Variants in DNM3 observed in about 807,000 individuals in gnomAD.
DNM3 encodes dynamin 3, also known as dynamin-3.
A neutral mutation model predicts 101.6 loss-of-function variants in DNM3; 47 were observed. The ratio of observed to expected loss-of-function variants is 0.46; its 90% CI spans 0.37 to 0.59. The LOEUF (loss-of-function observed/expected upper bound fraction) is 0.59, where lower values mean the gene tolerates loss of function less well. Among genes scored for constraint, DNM3 ranks in the 20% least tolerant of loss-of-function variants. The probability of loss-of-function intolerance (pLI) is 0.00; values close to 1 mark genes in which losing one functional copy is unlikely to be tolerated. For synonymous variants in DNM3, 385 were observed against 387.9 expected (o/e 0.99, Z 0.09); for missense variants, 849 against 1,085.7 (o/e 0.78, Z 3.06).
At chr1:171,913,553 CGG>C (rs2039472200) in intron 1 of DNM3, among the ~76,000 whole-genome samples, 1 of 152,080 alleles carries the variant, frequency 6.6e-6, no homozygotes, top group African/African-American at 2.4e-5. Context: ...GCAAAGTTCC[CGG>C]ATTTGGGCAT....
intron 16 of DNM3, among the ~76,000 whole-genome samples, chr1:172,316,463 G>C (rs2065361478): frequency 6.6e-6 from 1 of 151,960 alleles, no homozygotes. Flanking sequence ...AAAGAATCAA[G>C]ACCCATCAGT....
rs1572174629 is a variant in DNM3 at position 172,032,262 on chromosome 1, C to G, written c.590-140C>G. The G allele has an allele frequency of 3.1e-5, 20 of 650,342 alleles. No individual in the cohort carries two copies. In the East Asian group the frequency reaches 5.6e-4, roughly 18 times the overall value. The allele number at this position is 650,342 out of a possible 1,614,324, so 40.3% of individuals were successfully genotyped here. On this transcript the variant is annotated intron_variant, in intron 4 of 20. Transcript: ENST00000627582. ...CACTGAAATCACCAAACTCAAGTAG[C>G]ACTTAGAAAACAAAGTAAGACAGAA... is the stretch of plus-strand genomic sequence containing the variant.
In DNM3 at chr1:172,411,871, A is replaced by G; in HGVS notation, c.*4030A>G. 1.0e-6 allele frequency: 1 copy of G among 985,828 alleles called. No individual in the cohort carries two copies. The highest frequency in any genetic ancestry group is 1.2e-6 in the Non-Finnish European group (1 of 829,880). The allele number at this position is 985,828 out of a possible 1,614,324, so 61.1% of individuals were successfully genotyped here. A position where few individuals can be genotyped will look rare whatever the true frequency, so the allele number is the denominator to read the frequency against. ...TAAATGAATCTAGATGATTTTGAAG[A>G]AATGATTATTCGTTCACCAGATCAC... On this transcript the variant is annotated 3_prime_UTR_variant, in exon 21 of 21. Coordinates refer to ENST00000627582, the MANE Select transcript of DNM3 (RefSeq NM_015569.5).
chr1:171,931,828 T>C lies in DNM3; in HGVS notation c.235+10007T>C, dbSNP rs528237827. Among the ~76,000 whole-genome samples, 4 of 152,336 alleles carry C rather than the reference T, an allele frequency of 2.6e-5. No homozygotes were observed. The East Asian group carries it at 7.7e-4, about 29-fold the overall frequency. ...ACTTTTTTTAAATTTAGGGGTTCTA[T>C]TATAATTGTGTGGAAAAGTCTAGAA... On this transcript the variant is annotated intron_variant, in intron 2 of 20. Coordinates refer to ENST00000627582, the MANE Select transcript of DNM3 (RefSeq NM_015569.5).
chr1:172,301,658 T>G (rs998226647), intron 15 of DNM3, among the ~76,000 whole-genome samples: 2 of 152,216 alleles, frequency 1.3e-5, no homozygotes, highest in African/African-American at 4.8e-5. Flanking sequence ...GAAAATTATT[T>G]AATTATCTAA....
intron 4 of DNM3, among the ~76,000 whole-genome samples, chr1:172,014,454 A>G (rs1462571165): frequency 6.6e-6 from 1 of 151,980 alleles, no homozygotes; most frequent in Non-Finnish European, 1.5e-5. Flanking sequence ...ATCCTCACCA[A>G]ATTTGGTATT....
Position 172,157,844 on chromosome 1 carries a change from G to T in DNM3, c.1659+26556G>T, listed in dbSNP as rs145593896. 4.9e-3 allele frequency among the ~76,000 whole-genome samples: 752 copies of T among 152,026 alleles called. 6 individuals are homozygous for T. Among genetic ancestry groups the T allele is most frequent in the African/African-American group, 0.017 (712 of 41,498 alleles). On this transcript the variant is annotated intron_variant, in intron 14 of 20. Coordinates refer to ENST00000627582, the MANE Select transcript of DNM3 (RefSeq NM_015569.5). ...GTATCTTTGGATTTTGACATCCATG[G>T]TAGGTCCTGGAAACAATCCCTCACA...
chr1:172,303,129 CT>C (rs1246835876), intron 15 of DNM3, among the ~76,000 whole-genome samples: 1 of 152,038 alleles, frequency 6.6e-6, no homozygotes, highest in African/African-American at 2.4e-5. Context: ...AGCTAAAAAC[CT>C]TGAAACAAGG....
At chr1:171,946,705 A>G (rs2042193652) in intron 2 of DNM3, among the ~76,000 whole-genome samples, 1 of 152,200 alleles carries the variant, frequency 6.6e-6, no homozygotes, top group Non-Finnish European at 1.5e-5. Context: ...AAGGCTGTAC[A>G]AGAAGCATGG....
At chr1:172,233,472 C>G (rs1573052533) in intron 14 of DNM3, among the ~76,000 whole-genome samples, 1 of 152,272 alleles carries the variant, frequency 6.6e-6, no homozygotes, top group Admixed American at 6.5e-5. Flanking sequence ...CAAGGAGGAA[C>G]TGATACCATT....
intron 14 of DNM3, among the ~76,000 whole-genome samples, chr1:172,245,718 A>G (rs1208570425): frequency 2.6e-5 from 4 of 152,210 alleles, no homozygotes; most frequent in South Asian, 2.1e-4. Context: ...AGGGCAGACC[A>G]TAAGGTTCCA....
At chr1:172,068,434 G>A (rs575178270) in intron 10 of DNM3, among the ~76,000 whole-genome samples, 3 of 152,096 alleles carry the variant, frequency 2.0e-5, no homozygotes, top group South Asian at 2.1e-4. Flanking sequence ...AGTTCTTAGC[G>A]CCTGACACGT....
intron 10 of DNM3, among the ~76,000 whole-genome samples, chr1:172,052,997 C>A (rs886372510): frequency 6.6e-6 from 1 of 152,156 alleles, no homozygotes; most frequent in East Asian, 1.9e-4. Context: ...TGATCTATTT[C>A]TAGCCTGGTC....
chr1:171,848,731 G>A (rs919436022), intron 1 of DNM3, among the ~76,000 whole-genome samples: 1 of 152,158 alleles, frequency 6.6e-6, no homozygotes, highest in African/African-American at 2.4e-5. Context: ...AGTGCATTGA[G>A]TGACATTGAG....
intron 17 of DNM3, among the ~76,000 whole-genome samples, chr1:172,339,362 C>T (rs2148954761): frequency 6.6e-6 from 1 of 152,330 alleles, no homozygotes. Flanking sequence ...AGAACATTCA[C>T]ATTAGCTCAT....
intron 14 of DNM3, among the ~76,000 whole-genome samples, chr1:172,165,509 G>C (rs1312543103): frequency 1.3e-5 from 2 of 151,838 alleles, no homozygotes; most frequent in East Asian, 3.9e-4. Context: ...CTCTTAAATT[G>C]AGCCCCAGCC....
At chr1:172,229,137 A>G (rs571466054) in intron 14 of DNM3, among the ~76,000 whole-genome samples, 2 of 152,288 alleles carry the variant, frequency 1.3e-5, no homozygotes, top group East Asian at 3.9e-4. Context: ...TAATGAAGAA[A>G]CACATCTGGG....
chr1:171,914,938 G>C (rs953030328), intron 1 of DNM3, among the ~76,000 whole-genome samples: 15 of 152,102 alleles, frequency 9.9e-5, no homozygotes, highest in Non-Finnish European at 2.1e-4. Flanking sequence ...GGGACCTCGA[G>C]AAGACTCCCA....
intron 17 of DNM3, among the ~76,000 whole-genome samples, chr1:172,354,131 G>GAGAGAGAGAA (rs2067328964): frequency 6.7e-6 from 1 of 150,174 alleles, no homozygotes; most frequent in Non-Finnish European, 1.5e-5. Flanking sequence ...GAGAGAGAGA[G>GAGAGAGAGAA]AGAGAGAGAG....
Sources: gnomAD v4.1 joint callset for allele counts (sites outside exome capture counted in the v4.1 genomes callset) on GRCh38, gnomAD v4.1.1 for gene constraint, MANE v1.5 for transcripts, NCBI Gene and HGNC (gene_info 2026-07-23, HGNC 2026-07-21) for gene names.